Variants in MYH9 observed in about 807,000 individuals in gnomAD.
MYH9 encodes the protein myosin heavy chain 9.
MYH9 carries 29 observed loss-of-function variants against 241.9 expected under a neutral mutation model. The observed-to-expected ratio is 0.12, with a 90% confidence interval of 0.09 to 0.16. The LOEUF (loss-of-function observed/expected upper bound fraction) is 0.16. Among genes scored for constraint, MYH9 ranks in the 10% least tolerant of loss-of-function variants. The pLI, the probability that MYH9 is intolerant of heterozygous loss-of-function variation, is 1.00. For missense variants in MYH9, 1,803 were observed against 2,595.5 expected (o/e 0.69, Z 6.63); for synonymous variants, 1,047 against 1,062.6 (o/e 0.99, Z 0.29).
Position 36,282,383 on chromosome 22 carries a change from G to A in MYH9, c.*285C>T. The A allele has an allele frequency of 1.7e-6, 1 of 576,072 alleles. No homozygotes were observed. Among genetic ancestry groups the A allele is most frequent in the East Asian group, 2.9e-5 (1 of 34,488 alleles). 35.7% of individuals were successfully genotyped at this position (576,072 alleles called of 1,614,324 possible). A position where few individuals can be genotyped will look rare whatever the true frequency, so the allele number is the denominator to read the frequency against. ...CTCAACATCTTGTGCTTTTTGGCAAGAGAGGGCTGAGGAGCCTGCTGGTCG... is the reference window on the plus strand; with the variant it reads ...CTCAACATCTTGTGCTTTTTGGCAAAAGAGGGCTGAGGAGCCTGCTGGTCG... On this transcript the variant is annotated 3_prime_UTR_variant, in exon 41 of 41. Transcript: ENST00000216181.
chr22:36,317,773 C>T (rs1007127123), intron 11 of MYH9, among the ~76,000 whole-genome samples: 11 of 152,244 alleles, frequency 7.2e-5, no homozygotes, highest in Middle Eastern at 3.2e-3. Flanking sequence ...TCTCAGCACA[C>T]GTGGCAAGCC....
intron 2 of MYH9, among the ~76,000 whole-genome samples, chr22:36,347,662 G>C (rs1351400386): frequency 6.6e-6 from 1 of 152,020 alleles, no homozygotes; most frequent in Non-Finnish European, 1.5e-5. Flanking sequence ...TTGAGCCTAA[G>C]AGTTTGAGGC....
chr22:36,378,595 C>T (rs2018207991), intron 1 of MYH9, among the ~76,000 whole-genome samples: 1 of 152,124 alleles, frequency 6.6e-6, no homozygotes, highest in African/African-American at 2.4e-5. Context: ...TGCCTGGCAC[C>T]ACCCCATGTG....
At chr22:36,323,791 C>T (rs541968174) in intron 5 of MYH9, among the ~76,000 whole-genome samples, 6 of 152,308 alleles carry the variant, frequency 3.9e-5, no homozygotes, top group African/African-American at 1.4e-4. Context: ...CGCTTGTGAA[C>T]CATCCAGACA....
At chr22:36,337,735 C>T (rs1422137589) in intron 3 of MYH9, among the ~76,000 whole-genome samples, 1 of 152,164 alleles carries the variant, frequency 6.6e-6, no homozygotes, top group African/African-American at 2.4e-5. Flanking sequence ...CCCTCAAAGC[C>T]AGGGGGGCAG....
Position 36,298,923 on chromosome 22 carries a change from C to T in MYH9, c.3096G>A (p.Leu1032=). 1 of 1,613,996 alleles carries T rather than the reference C, an allele frequency of 6.2e-7. No individual in the cohort carries two copies. The change falls in exon 24 of 41, where the codon TTG becomes TTA. Residue 1032 remains leucine (L), a synonymous_variant. Coordinates refer to ENST00000216181, the MANE Select transcript of MYH9 (RefSeq NM_002473.6). ...KNKHEAMITD[L]EERLRREEKQ... ...TCCTGCTCGTCACCCCCTCACCTTC[C>T]AAGTCAGTGATCATTGCCTCATGCT...
rs751423187 is a variant in MYH9 at position 36,285,163 on chromosome 22, G to C, written c.5441C>G (p.Ala1814Gly). ...KYKASITALE[A>G]KIAQLEEQLD... is the part of the protein sequence containing the mutation. ...CTGCTCCTCCAGCTGTGCAATCTTG[G>C]CCTCGAGGGCGGTGATGGAGGCCTT... The change falls in exon 38 of 41, where the codon GCC becomes GGC. Residue 1814 changes from alanine to glycine, a missense_variant. Ala to Gly is a moderately conservative substitution (Grantham distance 60). Transcript: ENST00000216181. This position sits in a 1 kb window ranked among gnomAD's most constrained non-coding sequence, Gnocchi z 7.0. 1.2e-6 allele frequency: 2 copies of C among 1,614,174 alleles called. No individual in the cohort carries two copies. Among genetic ancestry groups the C allele is most frequent in the Non-Finnish European group, 1.7e-6 (2 of 1,180,038 alleles).
intron 31 of MYH9, among the ~76,000 whole-genome samples, chr22:36,291,684 A>C (rs1353458652): frequency 2.3e-5 from 1 of 43,286 alleles, no homozygotes; most frequent in African/African-American, 1.2e-4. Flanking sequence ...TAAAAAAATT[A>C]AAAAAAAAAA....
intron 1 of MYH9, among the ~76,000 whole-genome samples, chr22:36,365,719 C>A (rs1037986303): frequency 1.3e-5 from 2 of 152,142 alleles, no homozygotes; most frequent in African/African-American, 4.8e-5. Context: ...CCTCAGCCTT[C>A]CAAAGTGCTG....
At chr22:36,385,208 T>C (rs1375513184) in intron 1 of MYH9, among the ~76,000 whole-genome samples, 1 of 151,892 alleles carries the variant, frequency 6.6e-6, no homozygotes, top group Non-Finnish European at 1.5e-5. Context: ...GGGTTTCTCT[T>C]TCTCCCCCTC....
At chr22:36,348,379 G>C (rs993628231) in intron 2 of MYH9, among the ~76,000 whole-genome samples, 1 of 150,864 alleles carries the variant, frequency 6.6e-6, no homozygotes, top group Non-Finnish European at 1.5e-5. Flanking sequence ...CATTATGGCA[G>C]GTGCCTATAA....
rs766969923 is a variant in MYH9 at position 36,330,372 on chromosome 22, T to A, written c.491-2884A>T. 4.6e-5 allele frequency among the ~76,000 whole-genome samples: 7 copies of A among 152,238 alleles called. No homozygotes were observed. Among genetic ancestry groups the A allele is most frequent in the Non-Finnish European group, 7.3e-5 (5 of 68,042 alleles). On this transcript the variant is annotated intron_variant, in intron 3 of 40. Coordinates refer to ENST00000216181, the MANE Select transcript of MYH9 (RefSeq NM_002473.6). The surrounding 1 kb of genome is among the most constrained non-coding windows in gnomAD (Gnocchi z 4.5). ...CACCACGAATCGTACCATGGCCCCA[T>A]GCAACCGAAAAGGTCTTTCCAATGC...
intron 1 of MYH9, among the ~76,000 whole-genome samples, chr22:36,354,419 G>A (rs1017542541): frequency 3.3e-5 from 5 of 149,282 alleles, no homozygotes; most frequent in African/African-American, 9.9e-5. Context: ...CACTTATAAG[G>A]TTTTTTTACC....
Position 36,298,899 on chromosome 22 carries a change from C to G in MYH9, c.3100+20G>C. On this transcript the variant is annotated intron_variant, in intron 24 of 40. Transcript: ENST00000216181. Reference sequence around the variant, plus strand: ...GCCCGCCAGCCCCTGCCCATCACCTCCTGCTCGTCACCCCCTCACCTTCCA... The same window carrying G: ...GCCCGCCAGCCCCTGCCCATCACCTGCTGCTCGTCACCCCCTCACCTTCCA... The G allele has an allele frequency of 6.2e-7, 1 of 1,613,022 alleles. No individual in the cohort carries two copies. The highest frequency in any genetic ancestry group is 8.5e-7 in the Non-Finnish European group (1 of 1,179,840).
At chr22:36,328,573 C>G (rs1187818379) in intron 3 of MYH9, among the ~76,000 whole-genome samples, 1 of 152,204 alleles carries the variant, frequency 6.6e-6, no homozygotes, top group Non-Finnish European at 1.5e-5. Flanking sequence ...AACTCCCTTG[C>G]AGGATTAGTT....
chr22:36,373,989 G>A (rs1199506798), intron 1 of MYH9, among the ~76,000 whole-genome samples: 1 of 151,746 alleles, frequency 6.6e-6, no homozygotes, highest in East Asian at 1.9e-4. Context: ...GGTGGATGAG[G>A]TGCAGGGCAA....
intron 24 of MYH9, among the ~76,000 whole-genome samples, chr22:36,298,326 C>T (rs528592897): frequency 7.9e-5 from 12 of 152,232 alleles, no homozygotes; most frequent in African/African-American, 2.6e-4. Context: ...TACCCCAGCA[C>T]CCCCTCCCTG....
rs368767177 is a variant in MYH9 at position 36,316,682 on chromosome 22, C to A, written c.1228-13G>T. 1.4e-5 allele frequency: 22 copies of A among 1,613,484 alleles called. No homozygotes were observed. In the African/African-American group the frequency reaches 2.8e-4, roughly 21 times the overall value. On this transcript the variant is annotated splice_polypyrimidine_tract_variant and intron_variant, in intron 11 of 40. Transcript: ENST00000216181. ...TGGCAAAGTCAGCCTGCGGGGCACA[C>A]CCGGGGAGCGTGGTGTCAGATACAA...
intron 3 of MYH9, among the ~76,000 whole-genome samples, chr22:36,328,467 G>C (rs2017369677): frequency 6.6e-6 from 1 of 152,206 alleles, no homozygotes; most frequent in South Asian, 2.1e-4. Flanking sequence ...AAATTGGCCT[G>C]AATCCAGGAT....
Sources: gnomAD v4.1 joint callset for allele counts (sites outside exome capture counted in the v4.1 genomes callset) on GRCh38, gnomAD v4.1.1 for gene constraint, Gnocchi (gnomAD v3.1) non-coding constraint, MANE v1.5 for transcripts, NCBI Gene and HGNC (gene_info 2026-07-23, HGNC 2026-07-21) for gene names.